The following PLA2G4E variants were observed in gnomAD, a reference collection of about 807,000 sequenced individuals.
PLA2G4E encodes cytosolic phospholipase A2 epsilon.
A neutral mutation model predicts 109.1 loss-of-function variants in PLA2G4E; 84 were observed. The ratio of observed to expected loss-of-function variants is 0.77; its 90% CI spans 0.65 to 0.92. The LOEUF (loss-of-function observed/expected upper bound fraction) is 0.92. Ranked by LOEUF, PLA2G4E falls within the 40% of genes least tolerant of loss-of-function variation. The pLI is 0.00. For synonymous variants in PLA2G4E, 469 were observed against 436.1 expected (o/e 1.08, Z -0.94); for missense variants, 1,057 against 1,076.6 (o/e 0.98, Z 0.25).
chr15:41,997,312 T>A, intron 10 of PLA2G4E, 53 bp from the exon 11 acceptor site: 1 of 1,476,648 alleles, frequency 6.8e-7, no homozygotes, highest in Non-Finnish European at 9.0e-7. Context: ...CTCCCTGGAG[T>A]AGACACAGCT....
intron 2 of PLA2G4E, among the ~76,000 whole-genome samples, chr15:42,012,713 T>C (rs1411158765): frequency 2.0e-5 from 3 of 152,240 alleles, no homozygotes; most frequent in Non-Finnish European, 2.9e-5. Context: ...GTTGTTATTC[T>C]ATAACTGCTT....
intron 1 of PLA2G4E, among the ~76,000 whole-genome samples, chr15:42,034,131 T>C (rs1889166666): frequency 6.6e-6 from 1 of 152,178 alleles, no homozygotes. Flanking sequence ...AACATCCTGG[T>C]TTGTCCAAGA....
intron 1 of PLA2G4E, among the ~76,000 whole-genome samples, chr15:42,033,504 G>C (rs996707983): frequency 2.7e-5 from 4 of 150,016 alleles, no homozygotes; most frequent in Non-Finnish European, 5.9e-5. Context: ...TGTCTGGTTG[G>C]TGACTAGTGG....
chr15:41,995,183 G>A (rs983491081), intron 12 of PLA2G4E, among the ~76,000 whole-genome samples, 177 bp downstream of exon 12: 4 of 152,236 alleles, frequency 2.6e-5, no homozygotes, highest in African/African-American at 9.7e-5. Context: ...TACACAAGCC[G>A]AGCCTCCAAG....
At chr15:42,045,154 G>A (rs539478483) in intron 1 of PLA2G4E, among the ~76,000 whole-genome samples, 4 of 152,160 alleles carry the variant, frequency 2.6e-5, no homozygotes, top group Non-Finnish European at 5.9e-5. Flanking sequence ...AGTCTCAGGG[G>A]GCTGAGCCTT....
At chr15:41,995,214 G>T in intron 12 of PLA2G4E, 146 bp downstream of exon 12, 1 of 1,086,618 alleles carries the variant, frequency 9.2e-7, no homozygotes. Context: ...GCATGCCCAA[G>T]GCCACACCAC....
chr15:42,035,572 C>T (rs1329615483), intron 1 of PLA2G4E, among the ~76,000 whole-genome samples: 1 of 152,110 alleles, frequency 6.6e-6, no homozygotes, highest in African/African-American at 2.4e-5. Flanking sequence ...TGCAAAACAG[C>T]CACAGGAAAT....
At chr15:42,001,092 G>C (rs573606236) in intron 7 of PLA2G4E, 65 bp downstream of exon 7, 1 of 1,499,864 alleles carries the variant, frequency 6.7e-7, no homozygotes, top group South Asian at 1.1e-5. Context: ...GGAGTCTGAT[G>C]CTGATGGGAT....
chr15:42,000,166 A>T, exon 8 of PLA2G4E: 1 of 1,595,798 alleles, frequency 6.3e-7, no homozygotes, highest in Non-Finnish European at 8.5e-7. Context: ...TACTTGGGGT[A>T]GTGGAAGCAG....
At chr15:41,999,934 C>T in exon 9 of PLA2G4E, 3 of 1,610,422 alleles carry the variant, frequency 1.9e-6, no homozygotes, top group Non-Finnish European at 2.5e-6. Flanking sequence ...AGGGTCATCA[C>T]CTGACCATCG....
In PLA2G4E at chr15:41,997,189, T is replaced by A; in HGVS notation, c.1045A>T (p.Lys349Ter). Reference sequence around the variant, plus strand: ...TTCAGGGCCTTGGCCACCACGACCTTCCGCTTCTGCAGAAACTCCAGCTCT... The same window carrying A: ...TTCAGGGCCTTGGCCACCACGACCTACCGCTTCTGCAGAAACTCCAGCTCT... Residue 349 changes from lysine (K) to a stop codon, truncating the protein, a stop_gained, in exon 11 of 20, where the codon AAG becomes TAG. Transcript: ENST00000399518. LOFTEE classifies it high-confidence loss of function. 1.3e-6 allele frequency: 2 copies of A among 1,557,734 alleles called. No individual in the cohort carries two copies. Among genetic ancestry groups the A allele is most frequent in the Non-Finnish European group, 1.7e-6 (2 of 1,150,760 alleles).
intron 1 of PLA2G4E, among the ~76,000 whole-genome samples, chr15:42,019,591 G>A (rs1246130000): frequency 1.3e-5 from 2 of 152,204 alleles, no homozygotes; most frequent in Non-Finnish European, 2.9e-5. Context: ...GTACCCTTCA[G>A]TTCCATGCAA....
exon 11 of PLA2G4E, chr15:41,997,210 G>T (rs1244742111): frequency 6.4e-7 from 1 of 1,552,258 alleles, no homozygotes; most frequent in Non-Finnish European, 8.7e-7. Context: ...AGAAACTCCA[G>T]CTCTGCTGGG....
intron 18 of PLA2G4E, among the ~76,000 whole-genome samples, chr15:41,985,185 G>GT (rs1262287677): frequency 6.6e-6 from 1 of 152,032 alleles, no homozygotes. Flanking sequence ...CAGTTGTGCC[G>GT]TCTCCCTCCA....
intron 12 of PLA2G4E, among the ~76,000 whole-genome samples, chr15:41,993,830 A>G (rs1685754593): frequency 6.6e-6 from 1 of 152,126 alleles, no homozygotes; most frequent in Non-Finnish European, 1.5e-5. Flanking sequence ...TGCTCTCCAT[A>G]AGCTTCACCC....
Position 41,983,837 on chromosome 15 carries a change from G to C in PLA2G4E, c.2524C>G (p.Leu842Val). 1 of 1,612,296 alleles carries C rather than the reference G, an allele frequency of 6.2e-7. No individual in the cohort carries two copies. The highest frequency in any genetic ancestry group is 1.3e-5 in the African/African-American group (1 of 75,006). The change falls in exon 20 of 20, where the codon CTG (leucine) becomes GTG (valine). Residue 842 changes from leucine to valine, a missense_variant. Physicochemically the swap from Leu to Val is conservative, Grantham distance 32 (BLOSUM62 1). Coordinates refer to ENST00000399518, the Ensembl canonical transcript of PLA2G4E. ...TGGAGGAGAGTGTCCTTATTATTCA[G>C]GATGTTATACTCTGAGAGTTTCACC...
rs187852823 is a variant in PLA2G4E at position 41,983,929 on chromosome 15, A to G, written c.2432T>C (p.Ile811Thr). The G allele has an allele frequency of 5.0e-6, 8 of 1,612,806 alleles. No homozygotes were observed. The East Asian group carries it at 1.6e-4, about 31-fold the overall frequency. The stretch of plus-strand genomic sequence containing the variant: ...GGCATAGGGAGTTTTGGGACCATAA[A>G]TGTCCACCTGGCCCTGCTCCAGCTC... Residue 811 changes from isoleucine to threonine, a missense_variant, in exon 20 of 20, where the codon ATT becomes ACT. Coordinates refer to ENST00000399518, the Ensembl canonical transcript of PLA2G4E.
chr15:42,007,826 G>T, exon 3 of PLA2G4E: 2 of 1,609,520 alleles, frequency 1.2e-6, no homozygotes, highest in Non-Finnish European at 1.7e-6. Context: ...CTGAGAGGCG[G>T]TGGGCAGCCA....
chr15:41,985,185 G>A (rs779393100), intron 18 of PLA2G4E, among the ~76,000 whole-genome samples: 6 of 152,032 alleles, frequency 3.9e-5, no homozygotes, highest in African/African-American at 4.8e-5. Context: ...CAGTTGTGCC[G>A]TCTCCCTCCA....
Sources: gnomAD v4.1 joint callset for allele counts (sites outside exome capture counted in the v4.1 genomes callset) on GRCh38, gnomAD v4.1.1 for gene constraint, MANE v1.5 for transcripts, NCBI Gene and HGNC (gene_info 2026-07-23, HGNC 2026-07-21) for gene names.